PRRG4: variants seen among roughly 807,000 people sequenced by gnomAD.
The protein encoded by PRRG4 is transmembrane gamma-carboxyglutamic acid protein 4.
PRRG4 carries 12 observed loss-of-function variants against 20.0 expected under a neutral mutation model. The observed-to-expected ratio is 0.60, with a 90% CI of 0.38 to 0.97. PRRG4 has a LOEUF of 0.97. Among genes scored for constraint, PRRG4 ranks in the 50% least tolerant of loss-of-function variants. The pLI is 0.00. For synonymous variants in PRRG4, 94 were observed against 96.4 expected (o/e 0.98, Z 0.15); for missense variants, 199 against 265.1 (o/e 0.75, Z 1.73).
At chr11:32,849,384 G>A (rs1479282114) in intron 5 of PRRG4, among the ~76,000 whole-genome samples, 2 of 151,970 alleles carry the variant, frequency 1.3e-5, no homozygotes, top group African/African-American at 4.8e-5. Context: ...AATAAAGTTG[G>A]CCGGGCATGG....
At position 32,857,626 on chromosome 11, in the gene PRRG4, A is replaced by G. The variant is rs1681758782; in HGVS notation, c.*4099A>G. On this transcript the variant is annotated 3_prime_UTR_variant, in exon 6 of 6. Coordinates refer to ENST00000257836, the MANE Select transcript of PRRG4 (RefSeq NM_024081.6). ...ATTTATGTGTGTGTACTCTTCCTAG[A>G]CGTACAAGAGACTTTTTAATGCTAA... is the stretch of plus-strand genomic sequence containing the variant. 6.6e-6 allele frequency: 1 copy of G among 152,214 alleles called. No homozygotes were observed. Among genetic ancestry groups the G allele is most frequent in the African/African-American group, 2.4e-5 (1 of 41,448 alleles). The allele number at this position is 152,214 out of a possible 1,614,324, so 9.4% of individuals were successfully genotyped here.
intron 5 of PRRG4, among the ~76,000 whole-genome samples, chr11:32,852,564 C>T (rs1425662695): frequency 2.0e-5 from 3 of 151,942 alleles, no homozygotes; most frequent in Admixed American, 6.6e-5. Flanking sequence ...AGTTTTAATC[C>T]AGGAGTAAGA....
In PRRG4 at chr11:32,857,555, A is replaced by G. The variant is rs1273641699; in HGVS notation, c.*4028A>G. On this transcript the variant is annotated 3_prime_UTR_variant, in exon 6 of 6. Transcript: ENST00000257836. ...AGTGTCCTCCATGTCTTAGGTTTCA[A>G]GTTTGCCTCTAAAATTCTAATCCAT... The G allele has an allele frequency of 6.6e-6, 1 of 152,234 alleles. No homozygotes were observed. Among genetic ancestry groups the G allele is most frequent in the Non-Finnish European group, 1.5e-5 (1 of 68,042 alleles). The allele number at this position is 152,234 out of a possible 1,614,324, so 9.4% of individuals were successfully genotyped here. A position where few individuals can be genotyped will look rare whatever the true frequency, so the allele number is the denominator to read the frequency against.
In PRRG4 at chr11:32,853,582, T is replaced by G. The variant is rs1247729929; in HGVS notation, c.*55T>G. On this transcript the variant is annotated 3_prime_UTR_variant, in exon 6 of 6. Transcript: ENST00000257836. ...GTGTTATTTGATAGGCCGGGCATGG[T>G]GGCTCATGCCTGTAATCCCAGCACT... 2.2e-6 allele frequency: 3 copies of G among 1,385,538 alleles called. No individual in the cohort carries two copies. The highest frequency in any genetic ancestry group is 3.0e-6 in the Non-Finnish European group (3 of 987,470). 85.8% of individuals were successfully genotyped at this position (1,385,538 alleles called of 1,614,324 possible).
intron 2 of PRRG4, among the ~76,000 whole-genome samples, chr11:32,834,679 C>T (rs1242970369): frequency 6.6e-6 from 1 of 151,376 alleles, no homozygotes; most frequent in Admixed American, 6.6e-5. Flanking sequence ...TGAAATATCA[C>T]CATTTTAAAA....
At position 32,831,392 on chromosome 11, in the gene PRRG4, G is replaced by A. The variant is rs373877161; in HGVS notation, c.103+760G>A. On this transcript the variant is annotated intron_variant, in intron 2 of 5. Coordinates refer to ENST00000257836, the MANE Select transcript of PRRG4 (RefSeq NM_024081.6). Reference sequence around the variant, plus strand: ...TCCTGTCTCTTATCCCTTCTCATCAGATCCGATTCTCAGCTCATTTTCATT... The same window carrying A: ...TCCTGTCTCTTATCCCTTCTCATCAAATCCGATTCTCAGCTCATTTTCATT... 1.2e-3 allele frequency among the ~76,000 whole-genome samples: 177 copies of A among 152,264 alleles called. 2 individuals carry two copies. The highest frequency in any genetic ancestry group is 6.4e-3 in the South Asian group (31 of 4,828).
At chr11:32,839,296 A>T (rs1334962672) in intron 4 of PRRG4, among the ~76,000 whole-genome samples, 1 of 152,186 alleles carries the variant, frequency 6.6e-6, no homozygotes, top group Non-Finnish European at 1.5e-5. Context: ...TATGCTAGAT[A>T]AATTAAGATT....
At chr11:32,846,304 C>A (rs1851130063) in intron 5 of PRRG4, among the ~76,000 whole-genome samples, 1 of 152,182 alleles carries the variant, frequency 6.6e-6, no homozygotes, top group Non-Finnish European at 1.5e-5. Context: ...GCCATGGGGC[C>A]AAGCCCTTGA....
At chr11:32,831,499 ACAATC>A (rs1157652636) in intron 2 of PRRG4, among the ~76,000 whole-genome samples, 1 of 152,208 alleles carries the variant, frequency 6.6e-6, no homozygotes, top group Non-Finnish European at 1.5e-5. Flanking sequence ...TTGAGCTAGA[ACAATC>A]CATTAACCCA....
intron 1 of PRRG4, 54 bp from the exon 2 acceptor site, chr11:32,830,453 CA>C (rs1050027730): frequency 2.4e-6 from 3 of 1,269,128 alleles, no homozygotes; most frequent in Non-Finnish European, 3.1e-6. Context: ...GACAGAAACT[CA>C]AAGTGCTGAG....
intron 5 of PRRG4, among the ~76,000 whole-genome samples, chr11:32,841,841 C>A (rs1021178966): frequency 6.6e-6 from 1 of 152,004 alleles, no homozygotes; most frequent in Admixed American, 6.6e-5. Flanking sequence ...GATATAGCTA[C>A]ATGTTAGATA....
At chr11:32,853,262 C>A in intron 5 of PRRG4, 34 bp from the exon 6 acceptor site, 1 of 1,516,570 alleles carries the variant, frequency 6.6e-7, no homozygotes, top group Admixed American at 1.8e-5. Context: ...AAAATGCTAC[C>A]TTTCCTAGAC....
At chr11:32,838,773 C>T (rs1317385010) in intron 3 of PRRG4, 109 bp from the exon 4 acceptor site, 2 of 740,192 alleles carry the variant, frequency 2.7e-6, no homozygotes, top group East Asian at 5.0e-5. Context: ...TGGTCTCCTA[C>T]CTATGGTGCA....
At position 32,849,004 on chromosome 11, in the gene PRRG4, G is replaced by A. The variant is rs118140345; in HGVS notation, c.450-4292G>A. Among the ~76,000 whole-genome samples the A allele has an allele frequency of 6.8e-3, 1,037 of 151,456 alleles. 5 individuals carry two copies. Among genetic ancestry groups the A allele is most frequent in the Non-Finnish European group, 0.012 (814 of 67,894 alleles). On this transcript the variant is annotated intron_variant, in intron 5 of 5. Coordinates refer to ENST00000257836, the MANE Select transcript of PRRG4 (RefSeq NM_024081.6). ...AAAAAAAGAATTTAAGGCAACAGGT[G>A]TGAAATTAAGATTCACCTATTGGAA... is the stretch of plus-strand genomic sequence containing the variant.
chr11:32,836,589 C>T, intron 2 of PRRG4, 69 bp from the exon 3 acceptor site: 1 of 923,064 alleles, frequency 1.1e-6, no homozygotes. Context: ...TCACTTTTTT[C>T]CACAATTAAA....
intron 2 of PRRG4, among the ~76,000 whole-genome samples, chr11:32,831,864 T>C (rs977062419): frequency 2.0e-5 from 3 of 151,964 alleles, no homozygotes; most frequent in Non-Finnish European, 2.9e-5. Context: ...CTACTAAATA[T>C]ACAAAAATTA....
chr11:32,836,512 T>C, intron 2 of PRRG4, 146 bp from the exon 3 acceptor site: 1 of 430,940 alleles, frequency 2.3e-6, no homozygotes, highest in Non-Finnish European at 4.1e-6. Flanking sequence ...TTTCTTTCTT[T>C]TTTTGGGTTA....
At position 32,856,103 on chromosome 11, in the gene PRRG4, C is replaced by T. The variant is rs1368560135; in HGVS notation, c.*2576C>T. The T allele has an allele frequency of 6.6e-6, 1 of 152,104 alleles. No homozygotes were observed. Among genetic ancestry groups the T allele is most frequent in the Non-Finnish European group, 1.5e-5 (1 of 68,024 alleles). The allele number at this position is 152,104 out of a possible 1,614,324, so 9.4% of individuals were successfully genotyped here. A position where few individuals can be genotyped will look rare whatever the true frequency, so the allele number is the denominator to read the frequency against. On this transcript the variant is annotated 3_prime_UTR_variant, in exon 6 of 6. Transcript: ENST00000257836. ...TGTTACATATATTTAGATGTATTCT[C>T]ATATACATATGAAAATATTTATGAT...
chr11:32,838,933 A>G lies in PRRG4; in HGVS notation c.316+3A>G, dbSNP rs1239816579. The G allele has an allele frequency of 1.2e-6, 2 of 1,600,184 alleles. No homozygotes were observed. Among genetic ancestry groups the G allele is most frequent in the South Asian group, 1.1e-5 (1 of 90,704 alleles). On this transcript the variant is annotated splice_donor_region_variant and intron_variant, in intron 4 of 5. Coordinates refer to ENST00000257836, the MANE Select transcript of PRRG4 (RefSeq NM_024081.6). ...TAAAGGACCAACCACAAAATCAGGT[A>G]AAACAAGAATTGATCAAATTTAATG...
Sources: allele counts gnomAD v4.1 joint callset (sites outside exome capture counted in the v4.1 genomes callset), GRCh38; gene constraint gnomAD v4.1.1; transcripts MANE v1.5; gene names NCBI Gene and HGNC (gene_info 2026-07-23, HGNC 2026-07-21).